The following KIAA0319L variants were observed in gnomAD, a reference collection of about 807,000 sequenced individuals.
KIAA0319L encodes the protein dyslexia-associated protein KIAA0319-like protein.
KIAA0319L carries 55 observed loss-of-function variants against 120.1 expected under a neutral mutation model. The ratio of observed to expected loss-of-function variants is 0.46; its 90% CI spans 0.37 to 0.57. The LOEUF is 0.57. KIAA0319L is among the 20% of genes least tolerant of loss of function. The pLI is 0.00. For missense variants in KIAA0319L, 1,049 were observed against 1,255.3 expected (o/e 0.84, Z 2.48); for synonymous variants, 398 against 471.9 (o/e 0.84, Z 2.03).
intron 2 of KIAA0319L, among the ~76,000 whole-genome samples, chr1:35,508,417 A>C (rs1264967215): frequency 6.6e-6 from 1 of 152,174 alleles, no homozygotes; most frequent in East Asian, 1.9e-4. Flanking sequence ...AGCCAATCTG[A>C]CTCCCACGGA....
chr1:35,448,531 T>C (rs926359856), intron 15 of KIAA0319L, among the ~76,000 whole-genome samples, 199 bp from the exon 16 acceptor site: 1 of 152,138 alleles, frequency 6.6e-6, no homozygotes. Flanking sequence ...CTGCTCTCTA[T>C]ACCAACCTGA....
In KIAA0319L at chr1:35,441,044, T is replaced by A; in HGVS notation, c.2962+3A>T. The A allele has an allele frequency of 6.2e-7, 1 of 1,613,316 alleles. No homozygotes were observed. Among genetic ancestry groups the A allele is most frequent in the Non-Finnish European group, 8.5e-7 (1 of 1,179,196 alleles). ...TAGAAGCTCTGGCACCCAGGGCCCC[T>A]ACCTGCTCGGGAGGTTGGCTTCAGC... On this transcript the variant is annotated splice_donor_region_variant and intron_variant, in intron 20 of 20. Coordinates refer to ENST00000325722, the MANE Select transcript of KIAA0319L (RefSeq NM_024874.5).
intron 2 of KIAA0319L, among the ~76,000 whole-genome samples, chr1:35,531,236 G>A (rs1363936819): frequency 1.3e-5 from 2 of 152,256 alleles, no homozygotes; most frequent in African/African-American, 2.4e-5. Context: ...TCATACTCTG[G>A]GGAGCTTGCA....
intron 2 of KIAA0319L, chr1:35,533,232 C>A (rs1436612048): frequency 6.6e-6 from 1 of 152,134 alleles, no homozygotes; most frequent in Admixed American, 6.5e-5. Context: ...TGGTTAGCAA[C>A]CAAGTAGGGA....
intron 2 of KIAA0319L, chr1:35,510,379 CT>C (rs1045797495): frequency 1.8e-3 from 250 of 136,070 alleles, no homozygotes; most frequent in East Asian, 3.0e-3. Flanking sequence ...ACAGCCCTTT[CT>C]TTTTTTTTTT....
chr1:35,549,991 A>G (rs1215505550), intron 2 of KIAA0319L, among the ~76,000 whole-genome samples: 1 of 152,214 alleles, frequency 6.6e-6, no homozygotes, highest in Non-Finnish European at 1.5e-5. Flanking sequence ...ATCACTTCCT[A>G]TTTGTCTCCA....
chr1:35,531,063 G>A (rs1009270390), intron 2 of KIAA0319L, among the ~76,000 whole-genome samples: 1 of 152,254 alleles, frequency 6.6e-6, no homozygotes, highest in African/African-American at 2.4e-5. Flanking sequence ...CAGGCAGGTA[G>A]GTTTCAGGCT....
intron 3 of KIAA0319L, among the ~76,000 whole-genome samples, chr1:35,481,427 C>A (rs943804555): frequency 6.6e-6 from 1 of 152,170 alleles, no homozygotes; most frequent in African/African-American, 2.4e-5. Context: ...AGTTGCTCTA[C>A]AACTTCACCA....
At chr1:35,515,349 A>G (rs527435239) in intron 2 of KIAA0319L, among the ~76,000 whole-genome samples, 5 of 152,026 alleles carry the variant, frequency 3.3e-5, no homozygotes, top group Non-Finnish European at 7.4e-5. Context: ...TGTACCAAAC[A>G]CACTCTTAGA....
intron 5 of KIAA0319L, among the ~76,000 whole-genome samples, chr1:35,473,239 G>T (rs145951984): frequency 0.011 from 1,598 of 151,266 alleles, 27 homozygotes; most frequent in African/African-American, 0.037. Context: ...GGGATTACAG[G>T]TGCCCACCAC....
rs1055759845 is a variant in KIAA0319L, at chr1:35,437,662, C to T, written c.2963-2581G>A. 3.3e-5 allele frequency among the ~76,000 whole-genome samples: 5 copies of T among 152,132 alleles called. No homozygotes were observed. The highest frequency in any genetic ancestry group is 4.8e-5 in the African/African-American group (2 of 41,402). On this transcript the variant is annotated intron_variant, in intron 20 of 20. Transcript: ENST00000325722. The surrounding 1 kb of genome is among the most constrained non-coding windows in gnomAD (Gnocchi z 4.1). Reference sequence around the variant, plus strand: ...CTTTGGCCTTTGCAGCAGCAAACACCGACGGCTGTCCCCTAATGAATCCCC... The same window carrying T: ...CTTTGGCCTTTGCAGCAGCAAACACTGACGGCTGTCCCCTAATGAATCCCC...
chr1:35,460,555 TACAG>T (rs1350431452), intron 8 of KIAA0319L, 118 bp from the exon 9 acceptor site: 1 of 837,744 alleles, frequency 1.2e-6, no homozygotes, highest in Non-Finnish European at 1.9e-6. Flanking sequence ...TTCATGAAAT[TACAG>T]ACTATCTCTC....
intron 2 of KIAA0319L, among the ~76,000 whole-genome samples, chr1:35,523,014 TAAAA>T (rs58518920): frequency 1.6e-5 from 1 of 62,522 alleles, no homozygotes. Flanking sequence ...AAACTCCACA[TAAAA>T]AAAAAAAAAA....
rs780975120 is a variant in KIAA0319L at position 35,550,827 on chromosome 1, G to A, written c.142+3523C>T. Among the ~76,000 whole-genome samples the A allele has an allele frequency of 6.6e-5, 10 of 151,962 alleles. No individual in the cohort carries two copies. In the East Asian group the frequency reaches 1.2e-3, roughly 18 times the overall value. On this transcript the variant is annotated intron_variant, in intron 2 of 20. Transcript: ENST00000325722. The stretch of plus-strand genomic sequence containing the variant: ...AAGCAATCCTCCCATCTTAGCCCCC[G>A]AGTAGCTGGGACTAGAGACGTGTGC...
intron 2 of KIAA0319L, chr1:35,510,708 G>A (rs1645404637): frequency 6.6e-6 from 1 of 151,968 alleles, no homozygotes; most frequent in Admixed American, 6.6e-5. Flanking sequence ...TCGGGCCCAA[G>A]CAATCCTCCT....
chr1:35,549,659 T>C (rs1342091651), intron 2 of KIAA0319L, among the ~76,000 whole-genome samples: 2 of 152,158 alleles, frequency 1.3e-5, no homozygotes, highest in Non-Finnish European at 2.9e-5. Flanking sequence ...CATGCACACA[T>C]AACTCTTCAG....
chr1:35,449,840 C>T (rs1379949720), intron 15 of KIAA0319L, 27 bp downstream of exon 15: 4 of 1,612,650 alleles, frequency 2.5e-6, no homozygotes, highest in Non-Finnish European at 3.4e-6. Flanking sequence ...AGCAATTCTA[C>T]TCAGCCTCAT....
intron 15 of KIAA0319L, among the ~76,000 whole-genome samples, chr1:35,449,472 G>A (rs774015507): frequency 3.3e-5 from 5 of 152,216 alleles, no homozygotes; most frequent in Non-Finnish European, 7.4e-5. Flanking sequence ...TCTGGATGCT[G>A]ATGAGACATC....
intron 12 of KIAA0319L, among the ~76,000 whole-genome samples, chr1:35,452,588 T>C (rs1642143035): frequency 6.6e-6 from 1 of 152,230 alleles, no homozygotes; most frequent in Non-Finnish European, 1.5e-5. Flanking sequence ...CAAGAAGCTA[T>C]GCTAAGCATT....
Sources: allele counts gnomAD v4.1 joint callset (sites outside exome capture counted in the v4.1 genomes callset), GRCh38; gene constraint gnomAD v4.1.1; non-coding constraint Gnocchi (gnomAD v3.1); transcripts MANE v1.5; gene names NCBI Gene and HGNC (gene_info 2026-07-23, HGNC 2026-07-21).